ITPR2: variants seen among roughly 807,000 people sequenced by gnomAD.
The protein encoded by ITPR2 is inositol 1,4,5-trisphosphate-gated calcium channel ITPR2.
In ITPR2, 207 loss-of-function variants were observed where a neutral mutation model predicts 317.1. That is an observed-to-expected ratio of 0.65 (90% CI 0.58 to 0.73). The LOEUF (loss-of-function observed/expected upper bound fraction) is 0.73, where lower values mean the gene tolerates loss of function less well. ITPR2 is among the 30% of genes least tolerant of loss of function. ITPR2 has a pLI of 0.00. For missense variants in ITPR2, 2,613 were observed against 3,284.0 expected (o/e 0.80, Z 4.99); for synonymous variants, 1,156 against 1,149.1 (o/e 1.01, Z -0.12).
intron 26 of ITPR2, among the ~76,000 whole-genome samples, chr12:26,620,545 C>T (rs915455199): frequency 3.3e-5 from 5 of 152,272 alleles, no homozygotes; most frequent in Admixed American, 2.6e-4. Context: ...CAGTATTTAA[C>T]ATTTTTTAAG....
At chr12:26,561,385 T>A (rs1000381109) in intron 35 of ITPR2, among the ~76,000 whole-genome samples, 2 of 152,200 alleles carry the variant, frequency 1.3e-5, no homozygotes, top group Non-Finnish European at 2.9e-5. Context: ...ATACAAGTAA[T>A]TTGGGAGCAA....
At chr12:26,548,044 T>C (rs368200591) in intron 37 of ITPR2, among the ~76,000 whole-genome samples, 33 of 152,312 alleles carry the variant, frequency 2.2e-4, no homozygotes, top group East Asian at 7.7e-4. Context: ...ACATCACCTC[T>C]CTGGGACTCT....
intron 37 of ITPR2, among the ~76,000 whole-genome samples, chr12:26,500,858 C>T (rs1943056278): frequency 6.6e-6 from 1 of 152,084 alleles, no homozygotes; most frequent in South Asian, 2.1e-4. Context: ...ACTCTGTTTG[C>T]CTTAATGGGG....
At chr12:26,587,325 C>A (rs1381277959) in intron 32 of ITPR2, among the ~76,000 whole-genome samples, 1 of 150,626 alleles carries the variant, frequency 6.6e-6, no homozygotes, top group African/African-American at 2.4e-5. Context: ...GTAATAAATT[C>A]TATGGAGAAA....
chr12:26,692,581 G>A (rs920823517), intron 10 of ITPR2, among the ~76,000 whole-genome samples: 1 of 152,150 alleles, frequency 6.6e-6, no homozygotes, highest in Admixed American at 6.5e-5. Context: ...GTTCCCAGCT[G>A]GGCTTGACAC....
chr12:26,426,471 C>A (rs1941064661), intron 49 of ITPR2, among the ~76,000 whole-genome samples: 1 of 152,092 alleles, frequency 6.6e-6, no homozygotes, highest in Admixed American at 6.5e-5. Flanking sequence ...AGTAGAGAAA[C>A]ATGGAGCTGG....
At position 26,406,100 on chromosome 12, in the gene ITPR2, TAAG is replaced by T. The variant is rs373388732; in HGVS notation, c.7399+5217_7399+5219del. Among the ~76,000 whole-genome samples the T allele has an allele frequency of 7.6e-3, 1,162 of 152,010 alleles. 12 individuals are homozygous for T. The highest frequency in any genetic ancestry group is 0.027 in the African/African-American group (1,102 of 41,490). ...TACTGCTGGAAAAATAAATAAATAATAAGAAATAAAAATTTTAACGAGAAAAAA... is the reference window on the plus strand; with the variant it reads ...TACTGCTGGAAAAATAAATAAATAATAAATAAAAATTTTAACGAGAAAAAA... On this transcript the variant is annotated intron_variant, in intron 52 of 56. Transcript: ENST00000381340.
chr12:26,584,041 C>G (rs1945462041), intron 32 of ITPR2, among the ~76,000 whole-genome samples: 2 of 152,090 alleles, frequency 1.3e-5, no homozygotes, highest in South Asian at 4.1e-4. Context: ...GAACAACGTC[C>G]CTACTCTATT....
At chr12:26,793,495 T>C (rs543145278) in intron 1 of ITPR2, among the ~76,000 whole-genome samples, 1 of 152,248 alleles carries the variant, frequency 6.6e-6, no homozygotes, top group Non-Finnish European at 1.5e-5. Context: ...TGCTCTGCAC[T>C]CCCACAATAC....
intron 2 of ITPR2, among the ~76,000 whole-genome samples, chr12:26,742,549 T>A (rs1387386028): frequency 6.6e-6 from 1 of 152,216 alleles, no homozygotes; most frequent in East Asian, 1.9e-4. Context: ...GTGCAGTGGC[T>A]CATACCTGTA....
chr12:26,435,580 G>C (rs187752811), intron 48 of ITPR2, among the ~76,000 whole-genome samples: 5 of 152,156 alleles, frequency 3.3e-5, no homozygotes, highest in Admixed American at 3.3e-4. Flanking sequence ...AAAATCTCAC[G>C]ATTCAGTATA....
chr12:26,686,656 T>C, intron 10 of ITPR2, 24 bp from the exon 11 acceptor site: 1 of 1,584,388 alleles, frequency 6.3e-7, no homozygotes, highest in Non-Finnish European at 8.6e-7. Flanking sequence ...ACAAGTTTAT[T>C]TACTTTTATC....
At chr12:26,800,622 T>G (rs1950540364) in intron 1 of ITPR2, among the ~76,000 whole-genome samples, 1 of 152,110 alleles carries the variant, frequency 6.6e-6, no homozygotes, top group African/African-American at 2.4e-5. Context: ...CAGATAGATT[T>G]AGTAAAGAAT....
chr12:26,533,093 T>C (rs922910979), intron 37 of ITPR2, among the ~76,000 whole-genome samples: 3 of 152,222 alleles, frequency 2.0e-5, no homozygotes, highest in African/African-American at 7.2e-5. Flanking sequence ...AAGTGCTTGG[T>C]AAGAAACTGG....
chr12:26,784,879 T>C (rs865984325), intron 2 of ITPR2, among the ~76,000 whole-genome samples: 1,248 of 100,942 alleles, frequency 0.012, 25 homozygotes, highest in African/African-American at 0.041. Flanking sequence ...CCGGCCGCCA[T>C]CCCATCTAGG....
chr12:26,411,517 A>C, intron 51 of ITPR2, 105 bp from the exon 52 acceptor site: 2 of 721,794 alleles, frequency 2.8e-6, no homozygotes, highest in Non-Finnish European at 4.5e-6. Context: ...TCATACTCCA[A>C]CTTAGCTGTG....
intron 55 of ITPR2, among the ~76,000 whole-genome samples, chr12:26,360,752 A>G (rs1385093640): frequency 6.6e-6 from 1 of 152,228 alleles, no homozygotes. Flanking sequence ...TACTTCCTGT[A>G]AATTTCACCA....
At chr12:26,442,754 C>G (rs974549534) in intron 46 of ITPR2, among the ~76,000 whole-genome samples, 1 of 152,082 alleles carries the variant, frequency 6.6e-6, no homozygotes, top group Non-Finnish European at 1.5e-5. Flanking sequence ...GTAAACAATA[C>G]AGTGTAGGGG....
chr12:26,770,096 T>C (rs1949813093), intron 2 of ITPR2, among the ~76,000 whole-genome samples: 1 of 152,248 alleles, frequency 6.6e-6, no homozygotes, highest in Non-Finnish European at 1.5e-5. Flanking sequence ...TACTCTGTTG[T>C]ACTGTTATAA....
Sources: gnomAD v4.1 joint callset for allele counts (sites outside exome capture counted in the v4.1 genomes callset) on GRCh38, gnomAD v4.1.1 for gene constraint, MANE v1.5 for transcripts, NCBI Gene and HGNC (gene_info 2026-07-23, HGNC 2026-07-21) for gene names.